The following MACROD2 variants were observed in gnomAD, a reference collection of about 807,000 sequenced individuals.
The protein encoded by MACROD2 is mono-ADP ribosylhydrolase 2, also known as ADP-ribose glycohydrolase MACROD2.
Under a neutral mutation model 70.4 loss-of-function variants are expected in MACROD2, and 36 were observed. That is an observed-to-expected ratio of 0.51 (90% CI 0.39 to 0.68). The LOEUF is 0.68. Ranked by LOEUF, MACROD2 falls within the 30% of genes least tolerant of loss-of-function variation. The pLI is 0.00. For synonymous variants in MACROD2, 172 were observed against 178.8 expected (o/e 0.96, Z 0.30); for missense variants, 496 against 538.4 (o/e 0.92, Z 0.78).
chr20:15,646,829 C>A (rs1011701288), intron 8 of MACROD2, among the ~76,000 whole-genome samples: 1 of 152,194 alleles, frequency 6.6e-6, no homozygotes, highest in Non-Finnish European at 1.5e-5. Flanking sequence ...GCCTCCCCAG[C>A]CATGCTGAAC....
intron 5 of MACROD2, among the ~76,000 whole-genome samples, chr20:15,129,508 T>A (rs1321292078): frequency 2.0e-5 from 3 of 152,158 alleles, no homozygotes; most frequent in African/African-American, 7.2e-5. Context: ...AACTTTTCTA[T>A]CCCTATTTTA....
chr20:15,195,783 A>G (rs2076602284), intron 5 of MACROD2, among the ~76,000 whole-genome samples: 1 of 152,232 alleles, frequency 6.6e-6, no homozygotes. Flanking sequence ...ATGCATGCAT[A>G]TGTTCATTGC....
chr20:15,841,408 C>T (rs1264888850), intron 8 of MACROD2, among the ~76,000 whole-genome samples: 3 of 152,130 alleles, frequency 2.0e-5, no homozygotes, highest in African/African-American at 7.2e-5. Flanking sequence ...ATTCTGTAAG[C>T]TGTGCAGGAA....
At chr20:15,172,772 C>A (rs1035376318) in intron 5 of MACROD2, among the ~76,000 whole-genome samples, 1 of 152,120 alleles carries the variant, frequency 6.6e-6, no homozygotes. Flanking sequence ...TAGTCAAGTG[C>A]AGATTAATAA....
intron 10 of MACROD2, among the ~76,000 whole-genome samples, chr20:15,895,485 G>C (rs1369983311): frequency 1.3e-5 from 2 of 152,228 alleles, no homozygotes; most frequent in Non-Finnish European, 2.9e-5. Context: ...CCATCCGGCA[G>C]GCAGCGGTGG....
At chr20:15,703,918 A>G (rs530553346) in intron 8 of MACROD2, among the ~76,000 whole-genome samples, 4 of 152,338 alleles carry the variant, frequency 2.6e-5, no homozygotes, top group Non-Finnish European at 4.4e-5. Flanking sequence ...TTTACTTTAC[A>G]GTGTCTTTTA....
chr20:14,844,403 G>A (rs1414375439), intron 5 of MACROD2, among the ~76,000 whole-genome samples: 2 of 151,918 alleles, frequency 1.3e-5, no homozygotes, highest in Admixed American at 1.3e-4. Flanking sequence ...TATAATCCCA[G>A]CTACTCGGGA....
intron 8 of MACROD2, among the ~76,000 whole-genome samples, chr20:15,512,269 C>A (rs977195700): frequency 9.2e-5 from 14 of 152,196 alleles, no homozygotes; most frequent in African/African-American, 3.4e-4. Flanking sequence ...CATTAAATAT[C>A]TTTGGGAGTT....
intron 8 of MACROD2, among the ~76,000 whole-genome samples, chr20:15,508,525 ACT>A (rs1429706778): frequency 3.3e-5 from 5 of 151,878 alleles, no homozygotes; most frequent in Non-Finnish European, 7.4e-5. Context: ...TCTTCACAAA[ACT>A]CTCTTCAAGG....
chr20:15,399,321 A>G (rs1181306361), intron 6 of MACROD2, among the ~76,000 whole-genome samples: 1 of 152,166 alleles, frequency 6.6e-6, no homozygotes, highest in Non-Finnish European at 1.5e-5. Flanking sequence ...GCTGCAGGGA[A>G]ATAAAAGGTA....
intron 2 of MACROD2, among the ~76,000 whole-genome samples, chr20:14,038,242 C>T (rs998811042): frequency 9.3e-5 from 14 of 151,114 alleles, no homozygotes; most frequent in South Asian, 2.1e-4. Context: ...TGCAGTGAGC[C>T]GAGATCGTGC....
At chr20:15,950,707 T>G (rs958172408) in intron 12 of MACROD2, among the ~76,000 whole-genome samples, 1 of 152,176 alleles carries the variant, frequency 6.6e-6, no homozygotes, top group African/African-American at 2.4e-5. Flanking sequence ...ATGTTTAAAA[T>G]TTTATAGCAT....
chr20:14,535,561 A>G (rs1357039363), intron 4 of MACROD2, among the ~76,000 whole-genome samples: 1 of 150,334 alleles, frequency 6.7e-6, no homozygotes, highest in Non-Finnish European at 1.5e-5. Flanking sequence ...AGTCTTGCCA[A>G]GGACTTGGGT....
At chr20:15,145,807 T>G (rs1027043681) in intron 5 of MACROD2, among the ~76,000 whole-genome samples, 1 of 152,080 alleles carries the variant, frequency 6.6e-6, no homozygotes, top group African/African-American at 2.4e-5. Context: ...ACCTAAAAGA[T>G]GATGTTTGCA....
chr20:15,017,373 GCC>G (rs1354727777), intron 5 of MACROD2, among the ~76,000 whole-genome samples: 2 of 152,190 alleles, frequency 1.3e-5, no homozygotes, highest in African/African-American at 4.8e-5. Flanking sequence ...GGTTCCCAAA[GCC>G]TTGGGCAGCT....
chr20:14,476,244 C>T (rs1425990558), intron 3 of MACROD2, among the ~76,000 whole-genome samples: 2 of 152,108 alleles, frequency 1.3e-5, no homozygotes, highest in African/African-American at 2.4e-5. Flanking sequence ...TTTTAAACAA[C>T]AAATATACTG....
At chr20:15,658,883 A>G (rs115006901) in intron 8 of MACROD2, among the ~76,000 whole-genome samples, 258 of 152,318 alleles carry the variant, frequency 1.7e-3, no homozygotes, top group African/African-American at 6.0e-3. Flanking sequence ...GCCTGCAACA[A>G]TACTGTCAAG....
At chr20:15,364,611 A>G (rs1327918162) in intron 6 of MACROD2, among the ~76,000 whole-genome samples, 7 of 152,240 alleles carry the variant, frequency 4.6e-5, no homozygotes, top group Admixed American at 6.5e-5. Context: ...TTTAATACCA[A>G]ATTGATGGCT....
chr20:15,185,124 T>C (rs995967424), intron 5 of MACROD2, among the ~76,000 whole-genome samples: 4 of 152,178 alleles, frequency 2.6e-5, no homozygotes, highest in African/African-American at 7.2e-5. Context: ...ACATAGATCA[T>C]ACTCTATTTA....
Sources: gnomAD v4.1 joint callset for allele counts (sites outside exome capture counted in the v4.1 genomes callset) on GRCh38, gnomAD v4.1.1 for gene constraint, MANE v1.5 for transcripts, NCBI Gene and HGNC (gene_info 2026-07-23, HGNC 2026-07-21) for gene names.